The following OPCML variants were observed in gnomAD, a reference collection of about 807,000 sequenced individuals.
OPCML encodes the protein opioid-binding protein/cell adhesion molecule.
Under a neutral mutation model 37.8 loss-of-function variants are expected in OPCML, and 13 were observed. The observed-to-expected ratio is 0.34, with a 90% CI of 0.22 to 0.55. The LOEUF (loss-of-function observed/expected upper bound fraction) is 0.55, where lower values mean the gene tolerates loss of function less well. Among genes scored for constraint, OPCML ranks in the 20% least tolerant of loss-of-function variants. OPCML has a pLI of 0.91. For missense variants in OPCML, 341 were observed against 435.6 expected, an observed-to-expected ratio of 0.78 and a Z score of 1.93; for synonymous variants, 176 against 168.8, an observed-to-expected ratio of 1.04 and a Z score of -0.33.
chr11:133,274,758 T>A (rs1436760902), intron 1 of OPCML, among the ~76,000 whole-genome samples: 1 of 152,190 alleles, frequency 6.6e-6, no homozygotes, highest in Non-Finnish European at 1.5e-5. Flanking sequence ...CCATCCCATC[T>A]TCAGTCACGA....
At chr11:133,503,313 G>A (rs1947956445) in intron 1 of OPCML, among the ~76,000 whole-genome samples, 1 of 152,108 alleles carries the variant, frequency 6.6e-6, no homozygotes, top group Non-Finnish European at 1.5e-5. Flanking sequence ...CATAATACAA[G>A]GCAAAGGCTG....
At chr11:133,432,797 T>C (rs910318014) in intron 1 of OPCML, among the ~76,000 whole-genome samples, 5 of 152,176 alleles carry the variant, frequency 3.3e-5, no homozygotes, top group Non-Finnish European at 7.3e-5. Flanking sequence ...ACAGGAACAC[T>C]GTGGGAATGT....
At chr11:132,864,863 G>A (rs1942461639) in intron 2 of OPCML, among the ~76,000 whole-genome samples, 1 of 152,144 alleles carries the variant, frequency 6.6e-6, no homozygotes, top group Admixed American at 6.5e-5. Context: ...GACTTTAATG[G>A]GCGATTACTC....
intron 2 of OPCML, among the ~76,000 whole-genome samples, chr11:132,854,447 G>C (rs1456621461): frequency 3.3e-5 from 5 of 152,148 alleles, no homozygotes; most frequent in Admixed American, 2.0e-4. Flanking sequence ...CTCCCTCCAG[G>C]TTGGAGGTTG....
At chr11:133,435,829 C>T (rs1218697890) in intron 1 of OPCML, among the ~76,000 whole-genome samples, 1 of 152,176 alleles carries the variant, frequency 6.6e-6, no homozygotes, top group Non-Finnish European at 1.5e-5. Flanking sequence ...CACTCTAGCC[C>T]CACCTCTCTA....
At chr11:132,613,908 A>G (rs574831147) in intron 3 of OPCML, among the ~76,000 whole-genome samples, 8 of 152,258 alleles carry the variant, frequency 5.3e-5, no homozygotes, top group Admixed American at 2.6e-4. Context: ...ATGCACTGCT[A>G]TATTTGTTGA....
chr11:132,528,587 T>C (rs760955943), intron 4 of OPCML, among the ~76,000 whole-genome samples: 12 of 152,208 alleles, frequency 7.9e-5, no homozygotes, highest in Non-Finnish European at 1.6e-4. Flanking sequence ...CTTCTTCCAC[T>C]CAAGGTGAAC....
intron 4 of OPCML, among the ~76,000 whole-genome samples, chr11:132,439,523 G>C (rs1469784298): frequency 1.3e-5 from 2 of 152,104 alleles, no homozygotes; most frequent in Non-Finnish European, 2.9e-5. Context: ...ACACTTTCTT[G>C]CCCTACTCCC....
intron 2 of OPCML, among the ~76,000 whole-genome samples, chr11:132,888,623 T>C (rs1943515069): frequency 6.6e-6 from 1 of 152,160 alleles, no homozygotes; most frequent in Non-Finnish European, 1.5e-5. Flanking sequence ...AAGTTGTCTG[T>C]ATTGTTCGTT....
intron 4 of OPCML, among the ~76,000 whole-genome samples, chr11:132,486,903 A>G (rs1031872373): frequency 6.6e-6 from 1 of 152,186 alleles, no homozygotes; most frequent in African/African-American, 2.4e-5. Context: ...CTTATTTACA[A>G]CAAGCCCACT....
intron 2 of OPCML, among the ~76,000 whole-genome samples, chr11:132,739,960 A>G (rs141134098): frequency 1.6e-4 from 25 of 152,288 alleles, no homozygotes; most frequent in African/African-American, 6.0e-4. Context: ...ACAATCTTAA[A>G]AAAAGGCAGG....
chr11:133,057,153 C>G (rs1419449525), intron 1 of OPCML, among the ~76,000 whole-genome samples: 1 of 152,190 alleles, frequency 6.6e-6, no homozygotes, highest in Admixed American at 6.5e-5. Flanking sequence ...AGGTCGCTTA[C>G]TCTTTTATCC....
At chr11:132,551,437 T>G (rs1428543466) in intron 3 of OPCML, among the ~76,000 whole-genome samples, 1 of 152,206 alleles carries the variant, frequency 6.6e-6, no homozygotes, top group Non-Finnish European at 1.5e-5. Flanking sequence ...GCAAATCCCT[T>G]TCTTGCCTGG....
At chr11:133,306,851 TTTC>T (rs1256148764) in intron 1 of OPCML, among the ~76,000 whole-genome samples, 3 of 152,194 alleles carry the variant, frequency 2.0e-5, no homozygotes, top group Non-Finnish European at 4.4e-5. Context: ...TCTGATTCTG[TTTC>T]TTCTTCTGGT....
intron 2 of OPCML, among the ~76,000 whole-genome samples, chr11:132,741,913 C>T (rs891343651): frequency 1.1e-4 from 17 of 151,914 alleles, no homozygotes; most frequent in African/African-American, 3.9e-4. Flanking sequence ...CCTGTAATCC[C>T]AGCTACTCGG....
chr11:133,477,079 G>A (rs1444702210), intron 1 of OPCML, among the ~76,000 whole-genome samples: 9 of 152,288 alleles, frequency 5.9e-5, no homozygotes, highest in South Asian at 4.2e-4. Context: ...AGGAAGGTCA[G>A]TTACAAGCCA....
At chr11:133,222,673 T>G (rs1458529587) in intron 1 of OPCML, among the ~76,000 whole-genome samples, 1 of 152,206 alleles carries the variant, frequency 6.6e-6, no homozygotes, top group Non-Finnish European at 1.5e-5. Flanking sequence ...CATTATAAAT[T>G]ATGTAGCTGT....
intron 2 of OPCML, among the ~76,000 whole-genome samples, chr11:132,782,917 G>GTATATATATATATATATATA (rs59984496): frequency 1.6e-5 from 2 of 125,088 alleles, no homozygotes; most frequent in Non-Finnish European, 3.4e-5. Flanking sequence ...TATAGTGTGT[G>GTATATATATATATATATATA]TATATATATA....
At chr11:132,474,519 G>C (rs1271820201) in intron 4 of OPCML, among the ~76,000 whole-genome samples, 3 of 152,070 alleles carry the variant, frequency 2.0e-5, no homozygotes, top group Non-Finnish European at 4.4e-5. Flanking sequence ...CTTTGCATCT[G>C]CCCAGCTCAG....
Sources: allele counts gnomAD v4.1 joint callset (sites outside exome capture counted in the v4.1 genomes callset), GRCh38; gene constraint gnomAD v4.1.1; transcripts MANE v1.5; gene names NCBI Gene and HGNC (gene_info 2026-07-23, HGNC 2026-07-21).